PSD2: variants seen among roughly 807,000 people sequenced by gnomAD.
The protein encoded by PSD2 is PH and SEC7 domain-containing protein 2.
PSD2 carries 38 observed loss-of-function variants against 69.8 expected under a neutral mutation model. That is an observed-to-expected ratio of 0.54 (90% CI 0.42 to 0.71). The LOEUF (loss-of-function observed/expected upper bound fraction) is 0.71, where lower values mean the gene tolerates loss of function less well. Ranked by LOEUF, PSD2 falls within the 30% of genes least tolerant of loss-of-function variation. The pLI, the probability that PSD2 is intolerant of heterozygous loss-of-function variation, is 0.00. For synonymous variants in PSD2, 412 were observed against 423.0 expected (o/e 0.97, Z 0.32); for missense variants, 943 against 1,014.5 (o/e 0.93, Z 0.96).
chr5:139,776,542 A>T, the PSD2 span, among the ~76,000 whole-genome samples: 5 of 152,132 alleles, frequency 3.3e-5, no homozygotes, highest in African/African-American at 1.2e-4. Context: ...GAGGCTGGAG[A>T]TTGAGGGGCC....
chr5:139,829,889 A>G (rs924840931), intron 7 of PSD2, among the ~76,000 whole-genome samples: 1 of 152,038 alleles, frequency 6.6e-6, no homozygotes, highest in Non-Finnish European at 1.5e-5. Context: ...TTCTACATTT[A>G]ACTTTTTGAG....
the PSD2 span, among the ~76,000 whole-genome samples, chr5:139,784,430 G>C: frequency 6.6e-6 from 1 of 152,114 alleles, no homozygotes. Flanking sequence ...AACTGGGTTT[G>C]GCTCTGATGT....
At chr5:139,824,578 A>G (rs1430761000) in intron 7 of PSD2, among the ~76,000 whole-genome samples, 1 of 151,866 alleles carries the variant, frequency 6.6e-6, no homozygotes, top group Admixed American at 6.6e-5. Flanking sequence ...TTGTATTTTT[A>G]GTAGAGATGT....
intron 2 of PSD2, 64 bp downstream of exon 2, chr5:139,809,875 GC>G: frequency 2.6e-6 from 4 of 1,541,544 alleles, no homozygotes; most frequent in Non-Finnish European, 3.5e-6. Flanking sequence ...TGTGGCCTGG[GC>G]TTAGCCACTT....
At chr5:139,812,314 G>T (rs1235888052) in intron 2 of PSD2, among the ~76,000 whole-genome samples, 1 of 152,144 alleles carries the variant, frequency 6.6e-6, no homozygotes, top group African/African-American at 2.4e-5. Context: ...ACTGAGAAGG[G>T]GATGTGGAAG....
rs949066504 is a variant in PSD2 at position 139,837,990 on chromosome 5, T to C, written c.1823+208T>C. Among the ~76,000 whole-genome samples the C allele has an allele frequency of 6.6e-6, 1 of 152,218 alleles. No homozygotes were observed. The highest frequency in any genetic ancestry group is 6.5e-5 in the Admixed American group (1 of 15,286). On this transcript the variant is annotated intron_variant, in intron 12 of 14. Transcript: ENST00000274710. The surrounding 1 kb of genome is among the most constrained non-coding windows in gnomAD (Gnocchi z 5.0). Reference sequence around the variant, plus strand: ...AGTCTCTCTGGCCCCACCTTAGACCTACTGAACCCAAAACTCTGGGATGGC... The same window carrying C: ...AGTCTCTCTGGCCCCACCTTAGACCCACTGAACCCAAAACTCTGGGATGGC...
upstream of PSD2, among the ~76,000 whole-genome samples, chr5:139,794,082 C>T (rs1018694574): frequency 1.2e-4 from 18 of 152,296 alleles, no homozygotes; most frequent in African/African-American, 3.6e-4. Flanking sequence ...TCCCTCTGTG[C>T]CCTTTAAGAT....
At chr5:139,820,992 G>A (rs1435157438) in intron 5 of PSD2, among the ~76,000 whole-genome samples, 1 of 152,008 alleles carries the variant, frequency 6.6e-6, no homozygotes, top group Non-Finnish European at 1.5e-5. Context: ...GAGTGCAATG[G>A]TGCGACCTTG....
At chr5:139,834,875 C>G (rs938345653) in intron 8 of PSD2, among the ~76,000 whole-genome samples, 2 of 151,940 alleles carry the variant, frequency 1.3e-5, no homozygotes, top group African/African-American at 2.4e-5. Flanking sequence ...CTCATCCTCC[C>G]ATGCATCCAC....
Position 139,837,509 on chromosome 5 carries a change from A to T in PSD2, c.1666-116A>T. Reference sequence around the variant, plus strand: ...ACCTGGATTCTTGTTGGGGTGGGTGAGGCAGCAGGAACAGAAAATTAAGGG... The same window carrying T: ...ACCTGGATTCTTGTTGGGGTGGGTGTGGCAGCAGGAACAGAAAATTAAGGG... On this transcript the variant is annotated intron_variant, in intron 11 of 14. Transcript: ENST00000274710. This position sits in a 1 kb window ranked among gnomAD's most constrained non-coding sequence, Gnocchi z 5.0. 8.9e-7 allele frequency: 1 copy of T among 1,125,038 alleles called. No individual in the cohort carries two copies. The highest frequency in any genetic ancestry group is 1.5e-5 in the South Asian group (1 of 64,870). 69.7% of individuals were successfully genotyped at this position (1,125,038 alleles called of 1,614,324 possible).
At chr5:139,821,746 C>T (rs1218514127) in intron 5 of PSD2, 147 bp from the exon 6 acceptor site, 3 of 496,002 alleles carry the variant, frequency 6.0e-6, no homozygotes, top group Non-Finnish European at 1.1e-5. Flanking sequence ...GCCAGGGCCT[C>T]CTGGGCGTGG....
rs371450373 is a variant in PSD2 at position 139,837,293 on chromosome 5, G to C, written c.1665+55G>C. On this transcript the variant is annotated intron_variant, in intron 11 of 14. Coordinates refer to ENST00000274710, the MANE Select transcript of PSD2 (RefSeq NM_032289.4). This position sits in a 1 kb window ranked among gnomAD's most constrained non-coding sequence, Gnocchi z 5.0. ...GAAAGGGCCAGCTCAGTCCCATCCC[G>C]CCCTGGCCTTGTGGCACCCCGAAGC... is the stretch of plus-strand genomic sequence containing the variant. The C allele has an allele frequency of 1.9e-6, 3 of 1,540,296 alleles. No homozygotes were observed. Among genetic ancestry groups the C allele is most frequent in the Non-Finnish European group, 2.6e-6 (3 of 1,135,182 alleles).
chr5:139,779,832 G>A, the PSD2 span, among the ~76,000 whole-genome samples: 1 of 152,052 alleles, frequency 6.6e-6, no homozygotes, highest in Non-Finnish European at 1.5e-5. Flanking sequence ...CTGGAGCTTC[G>A]TCCTGTTGTT....
At chr5:139,765,108 C>T in the PSD2 span, among the ~76,000 whole-genome samples, 2 of 152,046 alleles carry the variant, frequency 1.3e-5, no homozygotes, top group African/African-American at 4.8e-5. Flanking sequence ...GCCATATCCC[C>T]AGACCCACTC....
chr5:139,838,680 A>T lies in PSD2; in HGVS notation c.1876A>T (p.Ile626Phe). Reference sequence around the variant, plus strand: ...CCTCAGGATCAACCTGGTGGCAGCCATCTTCTCTGCCCCGGCCTTCCCAGC... The same window carrying T: ...CCTCAGGATCAACCTGGTGGCAGCCTTCTTCTCTGCCCCGGCCTTCCCAGC... ...WILRINLVAA[I>F]FSAPAFPAAV... The change falls in exon 13 of 15, where the codon ATC (isoleucine) becomes TTC (phenylalanine). Residue 626 changes from isoleucine (I) to phenylalanine (F), a missense_variant. Ile to Phe is a conservative substitution (Grantham distance 21). Coordinates refer to ENST00000274710, the MANE Select transcript of PSD2 (RefSeq NM_032289.4). 1 of 1,613,980 alleles carries T rather than the reference A, an allele frequency of 6.2e-7. No homozygotes were observed. Among genetic ancestry groups the T allele is most frequent in the Non-Finnish European group, 8.5e-7 (1 of 1,179,926 alleles).
chr5:139,760,021 C>T, the PSD2 span, among the ~76,000 whole-genome samples: 8 of 152,240 alleles, frequency 5.3e-5, no homozygotes, highest in Non-Finnish European at 1.2e-4. Context: ...CAAAGGCCTT[C>T]GCTGTTCAGG....
At chr5:139,835,982 C>T (rs1372757549) in intron 9 of PSD2, among the ~76,000 whole-genome samples, 1 of 152,228 alleles carries the variant, frequency 6.6e-6, no homozygotes, top group Non-Finnish European at 1.5e-5. Context: ...TGCATTGTTA[C>T]AGAATAGATT....
At chr5:139,810,529 C>T (rs967681822) in intron 2 of PSD2, among the ~76,000 whole-genome samples, 3 of 152,156 alleles carry the variant, frequency 2.0e-5, no homozygotes, top group Non-Finnish European at 2.9e-5. Flanking sequence ...GAGTGTGTGC[C>T]TGCCCTGCAT....
At chr5:139,756,126 T>C in the PSD2 span, among the ~76,000 whole-genome samples, 74 of 152,234 alleles carry the variant, frequency 4.9e-4, 1 homozygote, top group Middle Eastern at 6.8e-3. Context: ...GGCGGCTTTG[T>C]GTGCACCGGC....
Sources: gnomAD v4.1 joint callset for allele counts (sites outside exome capture counted in the v4.1 genomes callset) on GRCh38, gnomAD v4.1.1 for gene constraint, Gnocchi (gnomAD v3.1) non-coding constraint, MANE v1.5 for transcripts, NCBI Gene and HGNC (gene_info 2026-07-23, HGNC 2026-07-21) for gene names.